RPH3AL: variants seen among roughly 807,000 people sequenced by gnomAD.
RPH3AL encodes the protein rab effector Noc2.
A neutral mutation model predicts 43.1 loss-of-function variants in RPH3AL; 38 were observed. The ratio of observed to expected loss-of-function variants is 0.88; its 90% CI spans 0.68 to 1.15. The LOEUF (loss-of-function observed/expected upper bound fraction) is 1.15, where lower values mean the gene tolerates loss of function less well. Ranked by LOEUF, RPH3AL falls within the 50% of genes most tolerant of loss-of-function variation. The pLI is 0.00. For synonymous variants in RPH3AL, 189 were observed against 176.3 expected (o/e 1.07, Z -0.57); for missense variants, 462 against 423.2 (o/e 1.09, Z -0.81).
At chr17:312,119 A>C (rs935244851) in intron 5 of RPH3AL, among the ~76,000 whole-genome samples, 4 of 152,044 alleles carry the variant, frequency 2.6e-5, no homozygotes, top group Admixed American at 1.3e-4. Context: ...CCGGGCAACA[A>C]AGCGATACCC....
intron 5 of RPH3AL, among the ~76,000 whole-genome samples, chr17:308,969 A>T (rs2043567806): frequency 6.6e-6 from 1 of 152,134 alleles, no homozygotes; most frequent in African/African-American, 2.4e-5. Context: ...AATCGCCACC[A>T]TCTCTAAGAC....
chr17:305,137 C>CGGGAGGGGG (rs2043451299), intron 5 of RPH3AL, among the ~76,000 whole-genome samples: 1 of 117,428 alleles, frequency 8.5e-6, no homozygotes, highest in Non-Finnish European at 1.8e-5. Flanking sequence ...GGGACAGGGT[C>CGGGAGGGGG]ATCAGGGTGC....
At chr17:253,144 T>G (rs2041952425) in intron 6 of RPH3AL, among the ~76,000 whole-genome samples, 1 of 152,116 alleles carries the variant, frequency 6.6e-6, no homozygotes, top group Non-Finnish European at 1.5e-5. Context: ...GAGGCATCCA[T>G]CAGGGCATGA....
intron 7 of RPH3AL, among the ~76,000 whole-genome samples, chr17:223,354 A>G (rs1466643845): frequency 6.6e-6 from 1 of 152,198 alleles, no homozygotes; most frequent in African/African-American, 2.4e-5. Flanking sequence ...AACAGCTCTC[A>G]TAGGCGAGAA....
intron 6 of RPH3AL, among the ~76,000 whole-genome samples, chr17:259,937 G>T (rs1292489176): frequency 1.3e-5 from 2 of 152,194 alleles, no homozygotes; most frequent in African/African-American, 2.4e-5. Context: ...GGTGGTAATT[G>T]TCAGGCTGGT....
intron 5 of RPH3AL, among the ~76,000 whole-genome samples, chr17:305,830 C>A (rs1033641797): frequency 1.3e-5 from 2 of 151,460 alleles, no homozygotes; most frequent in South Asian, 4.2e-4. Context: ...CCCTCCCCAG[C>A]CCCTTTCTTC....
chr17:318,412 G>A (rs2044362480), intron 5 of RPH3AL, among the ~76,000 whole-genome samples: 3 of 152,134 alleles, frequency 2.0e-5, no homozygotes, highest in African/African-American at 4.8e-5. Flanking sequence ...ACTAGCACAT[G>A]GAAGTTACTT....
At chr17:244,193 CCCTTCCTCTATTGATCA>C (rs1227573721) in intron 7 of RPH3AL, among the ~76,000 whole-genome samples, 3 of 71,228 alleles carry the variant, frequency 4.2e-5, no homozygotes, top group Non-Finnish European at 6.2e-5. Context: ...CTATTGATTA[CCCTTCCTCTATTGATCA>C]CCTTCCTCTA....
intron 6 of RPH3AL, among the ~76,000 whole-genome samples, chr17:250,721 TA>T (rs1269271992): frequency 6.7e-6 from 1 of 148,356 alleles, no homozygotes; most frequent in Non-Finnish European, 1.5e-5. Flanking sequence ...GAGCCTTTAC[TA>T]AGCTTCATCC....
chr17:326,435 C>T (rs189339617), intron 3 of RPH3AL, among the ~76,000 whole-genome samples: 47 of 152,296 alleles, frequency 3.1e-4, no homozygotes, highest in African/African-American at 1.1e-3. Context: ...TTGGACTTAT[C>T]ACATGCCAGA....
At chr17:310,271 G>C (rs1247238944) in intron 5 of RPH3AL, among the ~76,000 whole-genome samples, 2 of 152,154 alleles carry the variant, frequency 1.3e-5, no homozygotes, top group South Asian at 4.1e-4. Context: ...GCAGGCAGTC[G>C]AGGCATGCAG....
chr17:272,951 A>G (rs117886337), intron 6 of RPH3AL, among the ~76,000 whole-genome samples: 3,222 of 28,454 alleles, frequency 0.11, 69 homozygotes, highest in East Asian at 0.23. Context: ...AGACCCCAGC[A>G]AGGGCTACGT....
At chr17:288,833 G>A (rs71372195) in intron 5 of RPH3AL, among the ~76,000 whole-genome samples, 31 of 7,836 alleles carry the variant, frequency 4.0e-3, no homozygotes, top group East Asian at 8.9e-3. Context: ...GTCAGACCTC[G>A]CACCCTCTCT....
Position 247,239 on chromosome 17 carries a change from T to C in RPH3AL, c.485A>G (p.Tyr162Cys). The C allele has an allele frequency of 2.5e-6, 4 of 1,610,434 alleles. No individual in the cohort carries two copies. In the South Asian group the frequency reaches 3.3e-5, roughly 13 times the overall value. ...GAWFYKGLPK[Y>C]ILPLKTPGRA... ...GCCAGGGGTCTTCAGGGGCAAGATA[T>C]ACTTGGGGAGCCCTTTGTAGAACCA... Residue 162 changes from tyrosine (Y) to cysteine (C), a missense_variant, in exon 7 of 10, where the codon TAT becomes TGT. Physicochemically the swap from Tyr to Cys is radical, Grantham distance 194. Coordinates refer to ENST00000331302, the MANE Select transcript of RPH3AL (RefSeq NM_006987.4).
intron 5 of RPH3AL, among the ~76,000 whole-genome samples, chr17:314,454 C>A (rs58367876): frequency 0.036 from 4,520 of 126,316 alleles, 156 homozygotes; most frequent in Middle Eastern, 0.068. Flanking sequence ...CTCCATTGAC[C>A]TGTAGTCTCT....
At chr17:272,897 G>C (rs914603073) in intron 6 of RPH3AL, among the ~76,000 whole-genome samples, 56 of 151,942 alleles carry the variant, frequency 3.7e-4, no homozygotes, top group African/African-American at 1.3e-3. Context: ...AGCCTCAGTG[G>C]GCCAGTGGCG....
At chr17:326,741 T>C (rs889858703) in intron 3 of RPH3AL, among the ~76,000 whole-genome samples, 5 of 152,074 alleles carry the variant, frequency 3.3e-5, no homozygotes, top group African/African-American at 9.7e-5. Flanking sequence ...AATTAGCCCA[T>C]TGTGGTAGTG....
At chr17:235,157 C>A (rs1161128475) in intron 7 of RPH3AL, among the ~76,000 whole-genome samples, 8 of 150,604 alleles carry the variant, frequency 5.3e-5, no homozygotes, top group Admixed American at 5.3e-4. Context: ...GTGCAGGGTT[C>A]AAAGCTGGGG....
intron 3 of RPH3AL, among the ~76,000 whole-genome samples, chr17:325,604 G>A (rs1175330517): frequency 6.6e-6 from 1 of 152,170 alleles, no homozygotes; most frequent in African/African-American, 2.4e-5. Flanking sequence ...GATCCCCAGA[G>A]TAAGTCACAC....
Sources: gnomAD v4.1 joint callset for allele counts (sites outside exome capture counted in the v4.1 genomes callset) on GRCh38, gnomAD v4.1.1 for gene constraint, MANE v1.5 for transcripts, NCBI Gene and HGNC (gene_info 2026-07-23, HGNC 2026-07-21) for gene names.